Variants in AP1G1 observed in about 807,000 individuals in gnomAD.
AP1G1 encodes the protein adaptor related protein complex 1 subunit gamma 1.
Under a neutral mutation model 108.3 loss-of-function variants are expected in AP1G1, and 7 were observed. The ratio of observed to expected loss-of-function variants is 0.06; its 90% CI spans 0.04 to 0.12. The LOEUF (loss-of-function observed/expected upper bound fraction) is 0.12, where lower values mean the gene tolerates loss of function less well. Among genes scored for constraint, AP1G1 ranks in the 10% least tolerant of loss-of-function variants. AP1G1 has a pLI of 1.00. For missense variants in AP1G1, 756 were observed against 1,010.7 expected (o/e 0.75, Z 3.42); for synonymous variants, 379 against 353.5 (o/e 1.07, Z -0.81).
In AP1G1 at chr16:71,756,409, G is replaced by A. The variant is rs2030787019; in HGVS notation, c.1089-250C>T. 1.8e-5 allele frequency: 6 copies of A among 327,458 alleles called. No homozygotes were observed. In the Middle Eastern group the frequency reaches 3.2e-3, roughly 177 times the overall value. 20.3% of individuals were successfully genotyped at this position (327,458 alleles called of 1,614,324 possible). On this transcript the variant is annotated intron_variant, in intron 11 of 22. Transcript: ENST00000299980. Reference sequence around the variant, plus strand: ...AGTCCCTACGAGATATACCACTAATGTCCAAACATGCAGCTTGGGTTCAAC... The same window carrying A: ...AGTCCCTACGAGATATACCACTAATATCCAAACATGCAGCTTGGGTTCAAC...
intron 1 of AP1G1, among the ~76,000 whole-genome samples, chr16:71,807,569 G>A (rs1219088452): frequency 6.6e-6 from 1 of 152,236 alleles, no homozygotes; most frequent in Non-Finnish European, 1.5e-5. Context: ...TAGGGTGTGT[G>A]ACAAGTTAGG....
intron 1 of AP1G1, among the ~76,000 whole-genome samples, chr16:71,807,145 G>A (rs1246346409): frequency 6.6e-6 from 1 of 152,064 alleles, no homozygotes; most frequent in East Asian, 1.9e-4. Flanking sequence ...AATACTTTTT[G>A]CCAGGCACGG....
intron 1 of AP1G1, among the ~76,000 whole-genome samples, chr16:71,794,835 C>CTTTTCT (rs2032522793): frequency 2.0e-4 from 8 of 39,634 alleles, no homozygotes; most frequent in African/African-American, 8.4e-4. Context: ...ATGAGAAGTG[C>CTTTTCT]TTTTTTTTTT....
chr16:71,754,221 GAA>G (rs2030652401), intron 12 of AP1G1, among the ~76,000 whole-genome samples: 1 of 144,808 alleles, frequency 6.9e-6, no homozygotes, highest in African/African-American at 2.6e-5. Context: ...AGAAACAGAA[GAA>G]AGAAAAGAAA....
chr16:71,786,756 GC>G (rs1380953613), intron 2 of AP1G1, among the ~76,000 whole-genome samples: 5 of 151,932 alleles, frequency 3.3e-5, no homozygotes, highest in African/African-American at 1.2e-4. Context: ...ACCGCACCCA[GC>G]CCAAATTTTT....
intron 4 of AP1G1, among the ~76,000 whole-genome samples, chr16:71,771,798 A>G (rs2031582038): frequency 6.6e-6 from 1 of 152,208 alleles, no homozygotes; most frequent in African/African-American, 2.4e-5. Context: ...AACAGCCTAT[A>G]AAAACATCAC....
chr16:71,750,469 C>G (rs553103279), intron 13 of AP1G1, 137 bp from the exon 14 acceptor site: 92 of 1,018,826 alleles, frequency 9.0e-5, no homozygotes, highest in Middle Eastern at 6.6e-4. Flanking sequence ...GGCTGGAGTG[C>G]GATAGCGCGA....
rs780283137 is a variant in AP1G1 at position 71,773,374 on chromosome 16, A to C, written c.327-12T>G. The stretch of plus-strand genomic sequence containing the variant: ...TATGATTAAGATCACTGCAAAAGAA[A>C]AGAGGAAGGTAGGAACAAGCCTGGT... On this transcript the variant is annotated splice_polypyrimidine_tract_variant and intron_variant, in intron 3 of 22. Transcript: ENST00000299980. 2.0e-6 allele frequency: 3 copies of C among 1,488,750 alleles called. No homozygotes were observed. Among genetic ancestry groups the C allele is most frequent in the Non-Finnish European group, 2.7e-6 (3 of 1,123,784 alleles). 92.2% of individuals were successfully genotyped at this position (1,488,750 alleles called of 1,614,324 possible).
chr16:71,757,830 G>C (rs1323273018), intron 11 of AP1G1, among the ~76,000 whole-genome samples: 1 of 152,098 alleles, frequency 6.6e-6, no homozygotes, highest in African/African-American at 2.4e-5. Context: ...AGAGTCAGAA[G>C]GCTAATATCT....
chr16:71,754,245 G>GAAGAGAAGA (rs2030654496), intron 12 of AP1G1, among the ~76,000 whole-genome samples: 1 of 146,106 alleles, frequency 6.8e-6, no homozygotes, highest in African/African-American at 2.5e-5. Context: ...GGAAGAAAGA[G>GAAGAGAAGA]AAGAGAAGAA....
intron 2 of AP1G1, among the ~76,000 whole-genome samples, chr16:71,779,406 C>A (rs1048256232): frequency 3.9e-5 from 6 of 151,988 alleles, no homozygotes; most frequent in Non-Finnish European, 7.4e-5. Context: ...GGTGCTATCT[C>A]GGCTCAACAC....
At chr16:71,746,119 C>T (rs758854482) in intron 17 of AP1G1, among the ~76,000 whole-genome samples, 1 of 152,098 alleles carries the variant, frequency 6.6e-6, no homozygotes, top group Admixed American at 6.5e-5. Flanking sequence ...AAATGATTCT[C>T]CTGCTTCAGC....
intron 21 of AP1G1, among the ~76,000 whole-genome samples, chr16:71,735,637 C>T (rs1159010891): frequency 6.9e-6 from 1 of 144,432 alleles, no homozygotes; most frequent in Non-Finnish European, 1.5e-5. Context: ...GCCTGGGCAA[C>T]AGAGCAAGAC....
Position 71,750,003 on chromosome 16 carries a change from C to T in AP1G1, c.1408-20G>A, listed in dbSNP as rs147024314. On this transcript the variant is annotated intron_variant, in intron 14 of 22. Transcript: ENST00000299980. ...AGGTTGCTGTGAAAAGAAAAGTCAA[C>T]GTTTCTCAAGAACTTCAATTTTTCC... 3.6e-4 allele frequency: 582 copies of T among 1,595,216 alleles called. No homozygotes were observed. The highest frequency in any genetic ancestry group is 4.0e-4 in the Non-Finnish European group (471 of 1,163,272).
intron 1 of AP1G1, chr16:71,808,044 C>T (rs1405970133): frequency 8.4e-7 from 1 of 1,189,406 alleles, no homozygotes; most frequent in East Asian, 5.9e-5. Context: ...GGATCTCCTA[C>T]ACCGAGTCCT....
Position 71,748,174 on chromosome 16 carries a change from A to G in AP1G1, c.1625+77T>C, listed in dbSNP as rs2030283229. ...TTGTCTATGCTTGAAATTTTCCATG[A>G]TAACAAGTTTTTTGGGATTTTTTTT... On this transcript the variant is annotated intron_variant, in intron 16 of 22. Coordinates refer to ENST00000299980, the MANE Select transcript of AP1G1 (RefSeq NM_001128.6). 4.0e-6 allele frequency: 6 copies of G among 1,500,068 alleles called. No individual in the cohort carries two copies. In the Admixed American group the frequency reaches 6.8e-5, roughly 17 times the overall value. 92.9% of individuals were successfully genotyped at this position (1,500,068 alleles called of 1,614,324 possible). A position where few individuals can be genotyped will look rare whatever the true frequency, so the allele number is the denominator to read the frequency against.
At chr16:71,735,691 G>C (rs2045526360) in intron 21 of AP1G1, among the ~76,000 whole-genome samples, 1 of 151,728 alleles carries the variant, frequency 6.6e-6, no homozygotes, top group South Asian at 2.1e-4. Flanking sequence ...GGGCAAGCTA[G>C]GTAAACCATA....
intron 2 of AP1G1, among the ~76,000 whole-genome samples, chr16:71,779,398 T>C (rs1212341536): frequency 6.6e-6 from 1 of 151,900 alleles, no homozygotes; most frequent in Non-Finnish European, 1.5e-5. Context: ...AGTGCAGTGG[T>C]GCTATCTCGG....
At chr16:71,738,810 T>C in intron 21 of AP1G1, 132 bp downstream of exon 21, 2 of 805,766 alleles carry the variant, frequency 2.5e-6, no homozygotes, top group Non-Finnish European at 3.9e-6. Flanking sequence ...ATAAGCTACA[T>C]TATTGTTAGT....
Sources: allele counts gnomAD v4.1 joint callset (sites outside exome capture counted in the v4.1 genomes callset), GRCh38; gene constraint gnomAD v4.1.1; transcripts MANE v1.5; gene names NCBI Gene and HGNC (gene_info 2026-07-23, HGNC 2026-07-21).